Variants in HPSE2 observed in about 807,000 individuals in gnomAD.
HPSE2 encodes the protein heparanase 2 (inactive).
Under a neutral mutation model 60.5 loss-of-function variants are expected in HPSE2, and 38 were observed. The ratio of observed to expected loss-of-function variants is 0.63; its 90% CI spans 0.48 to 0.82. The LOEUF (loss-of-function observed/expected upper bound fraction) is 0.82, where lower values mean the gene tolerates loss of function less well. HPSE2 is among the 40% of genes least tolerant of loss of function. The pLI is 0.00. For synonymous variants in HPSE2, 295 were observed against 293.2 expected, an observed-to-expected ratio of 1.01 and a Z score of -0.06; for missense variants, 713 against 740.4, an observed-to-expected ratio of 0.96 and a Z score of 0.43.
chr10:99,162,569 T>C (rs1246233527), intron 2 of HPSE2, among the ~76,000 whole-genome samples: 1 of 152,166 alleles, frequency 6.6e-6, no homozygotes, highest in Non-Finnish European at 1.5e-5. Context: ...CTTCCTCAGA[T>C]CCTTGAAACA....
the HPSE2 span, among the ~76,000 whole-genome samples, chr10:99,273,382 C>T: frequency 6.6e-6 from 1 of 152,192 alleles, no homozygotes; most frequent in Non-Finnish European, 1.5e-5. Context: ...ATTCACATAA[C>T]CAAACACTAC....
intron 11 of HPSE2, among the ~76,000 whole-genome samples, chr10:98,468,466 C>T (rs542560262): frequency 4.9e-4 from 75 of 152,220 alleles, no homozygotes; most frequent in African/African-American, 1.8e-3. Flanking sequence ...GGTGGAATCT[C>T]TCAAAAGCCT....
chr10:98,701,632 A>C (rs1948411743), intron 5 of HPSE2, among the ~76,000 whole-genome samples: 1 of 120,686 alleles, frequency 8.3e-6, no homozygotes, highest in Non-Finnish European at 1.8e-5. Flanking sequence ...CTAAAACTTA[A>C]AGTATAATAA....
chr10:98,577,800 TCTCA>T (rs1218138034), intron 9 of HPSE2, among the ~76,000 whole-genome samples: 2 of 152,178 alleles, frequency 1.3e-5, no homozygotes, highest in African/African-American at 4.8e-5. Flanking sequence ...CCTGCTGGGA[TCTCA>T]CTGACATTGA....
At chr10:98,957,792 T>C (rs1955547922) in intron 3 of HPSE2, among the ~76,000 whole-genome samples, 1 of 152,328 alleles carries the variant, frequency 6.6e-6, no homozygotes, top group South Asian at 2.1e-4. Context: ...TCAAGGTAGT[T>C]AAATCTTAAA....
At chr10:99,048,145 G>A (rs1398654903) in intron 3 of HPSE2, 2 of 871,262 alleles carry the variant, frequency 2.3e-6, no homozygotes, top group Admixed American at 1.9e-5. Context: ...AAATTGCTTT[G>A]ACAGATAACC....
At chr10:98,895,941 G>T in intron 3 of HPSE2, among the ~76,000 whole-genome samples, 1 of 107,846 alleles carries the variant, frequency 9.3e-6, no homozygotes, top group Non-Finnish European at 1.8e-5. Flanking sequence ...GTTGTGGGGT[G>T]GGGGGAGGGG....
chr10:99,186,975 A>T (rs1441749587), intron 2 of HPSE2, among the ~76,000 whole-genome samples: 2 of 151,732 alleles, frequency 1.3e-5, no homozygotes, highest in Non-Finnish European at 2.9e-5. Flanking sequence ...GTAGAGATGG[A>T]GTTTTGTCAT....
At chr10:98,941,976 G>A (rs1235606096) in intron 3 of HPSE2, among the ~76,000 whole-genome samples, 4 of 142,882 alleles carry the variant, frequency 2.8e-5, no homozygotes, top group South Asian at 4.2e-4. Context: ...ACAAGCAATG[G>A]GGAAAGGATT....
intron 3 of HPSE2, among the ~76,000 whole-genome samples, chr10:98,788,950 C>A (rs570391899): frequency 2.0e-5 from 3 of 152,184 alleles, no homozygotes; most frequent in Admixed American, 2.0e-4. Context: ...TGTTCCTATT[C>A]GGCCATCTTG....
the HPSE2 span, among the ~76,000 whole-genome samples, chr10:99,249,885 T>C: frequency 6.6e-6 from 1 of 152,134 alleles, no homozygotes; most frequent in African/African-American, 2.4e-5. Context: ...GACTCATGCC[T>C]GTAATCCTAG....
the HPSE2 span, among the ~76,000 whole-genome samples, chr10:99,281,988 G>A: frequency 9.9e-5 from 15 of 152,154 alleles, no homozygotes; most frequent in East Asian, 1.4e-3. Flanking sequence ...GGCCGGGTGC[G>A]GTGGCTCATG....
At chr10:99,232,683 G>C (rs1849699692) in intron 1 of HPSE2, among the ~76,000 whole-genome samples, 178 bp from the exon 2 acceptor site, 1 of 152,212 alleles carries the variant, frequency 6.6e-6, no homozygotes, top group African/African-American at 2.4e-5. Context: ...GCCCCAGCCC[G>C]CCCTCACCGC....
chr10:98,993,841 A>C (rs934560480), intron 3 of HPSE2, among the ~76,000 whole-genome samples: 3 of 152,140 alleles, frequency 2.0e-5, no homozygotes, highest in African/African-American at 7.2e-5. Context: ...TGATTTCATA[A>C]TTTTGAAGTA....
At chr10:98,587,355 T>C (rs1372707467) in intron 9 of HPSE2, among the ~76,000 whole-genome samples, 1 of 152,172 alleles carries the variant, frequency 6.6e-6, no homozygotes, top group Non-Finnish European at 1.5e-5. Context: ...CGGAAAAAAA[T>C]CTGCAAATTT....
rs1259660733 is a variant in HPSE2 at position 98,932,910 on chromosome 10, A to AT, written c.611-188855dup. Among the ~76,000 whole-genome samples, 6 of 141,602 alleles carry AT rather than the reference A, an allele frequency of 4.2e-5. 2 individuals carry two copies. The highest frequency in any genetic ancestry group is 2.1e-4 in the South Asian group (1 of 4,658). 92.9% of individuals were successfully genotyped at this position (141,602 alleles called of 152,430 possible). On this transcript the variant is annotated intron_variant, in intron 3 of 11. Transcript: ENST00000370552. The stretch of plus-strand genomic sequence containing the variant: ...TGCTAACAGTCTATCTATTTTATTG[A>AT]TTTTTTCAAAAACACAGCTCCTGGA...
At chr10:98,931,109 A>G (rs1433389533) in intron 3 of HPSE2, among the ~76,000 whole-genome samples, 1 of 143,890 alleles carries the variant, frequency 6.9e-6, no homozygotes, top group Non-Finnish European at 1.5e-5. Context: ...TCGGTTTTAC[A>G]TTTAAGTCTT....
At chr10:98,512,584 C>CAA (rs34214972) in intron 9 of HPSE2, among the ~76,000 whole-genome samples, 272 of 143,808 alleles carry the variant, frequency 1.9e-3, no homozygotes, top group South Asian at 2.7e-3. Context: ...GACTGCGTCT[C>CAA]AAAAAAAAAA....
intron 3 of HPSE2, among the ~76,000 whole-genome samples, chr10:99,090,244 T>G (rs1843466453): frequency 1.3e-5 from 2 of 152,162 alleles, no homozygotes; most frequent in African/African-American, 4.8e-5. Flanking sequence ...TTTCCTGCTG[T>G]AATTTTTCTC....
Sources: gnomAD v4.1 joint callset for allele counts (sites outside exome capture counted in the v4.1 genomes callset) on GRCh38, gnomAD v4.1.1 for gene constraint, MANE v1.5 for transcripts, NCBI Gene and HGNC (gene_info 2026-07-23, HGNC 2026-07-21) for gene names.